The following TSPEAR variants were observed in gnomAD, a reference collection of about 807,000 sequenced individuals.
TSPEAR encodes thrombospondin-type laminin G domain and EAR repeat-containing protein.
TSPEAR carries 69 observed loss-of-function variants against 71.6 expected under a neutral mutation model. The observed-to-expected ratio is 0.96, with a 90% confidence interval of 0.79 to 1.18. The LOEUF (loss-of-function observed/expected upper bound fraction) is 1.18, where lower values mean the gene tolerates loss of function less well. Among genes scored for constraint, TSPEAR ranks in the 50% most tolerant of loss-of-function variants. TSPEAR has a pLI of 0.00. For synonymous variants in TSPEAR, 402 were observed against 387.2 expected (o/e 1.04, Z -0.45); for missense variants, 971 against 894.9 (o/e 1.09, Z -1.09).
intron 1 of TSPEAR, among the ~76,000 whole-genome samples, chr21:44,689,553 A>G (rs1555949447): frequency 6.6e-6 from 1 of 151,316 alleles, no homozygotes; most frequent in Non-Finnish European, 1.5e-5. Flanking sequence ...GGAAGATGTT[A>G]CATCTACCAA....
chr21:44,513,845 T>C (rs912197999), intron 9 of TSPEAR, among the ~76,000 whole-genome samples: 2 of 152,002 alleles, frequency 1.3e-5, no homozygotes, highest in African/African-American at 4.8e-5. Context: ...CAAGCCCTGG[T>C]TGGGGGGGCA....
At chr21:44,524,020 G>A (rs1431295994) in intron 8 of TSPEAR, among the ~76,000 whole-genome samples, 2 of 150,502 alleles carry the variant, frequency 1.3e-5, no homozygotes, top group Non-Finnish European at 2.9e-5. Context: ...TTAGTCATCA[G>A]TCAGGTAGTT....
chr21:44,639,445 G>A (rs587673917), intron 1 of TSPEAR, among the ~76,000 whole-genome samples: 43 of 152,336 alleles, frequency 2.8e-4, no homozygotes, highest in Admixed American at 1.8e-3. Flanking sequence ...CAGCACAGCC[G>A]CCTCGCTCAC....
At chr21:44,558,284 C>A (rs376521134) in intron 2 of TSPEAR, 12 of 1,614,024 alleles carry the variant, frequency 7.4e-6, no homozygotes, top group Admixed American at 6.7e-5. Flanking sequence ...TGCAGCAAGC[C>A]GGCTGGCGGC....
At chr21:44,537,906 G>C (rs1332314032) in intron 2 of TSPEAR, among the ~76,000 whole-genome samples, 1 of 152,214 alleles carries the variant, frequency 6.6e-6, no homozygotes, top group African/African-American at 2.4e-5. Context: ...GTTCCCAGCA[G>C]CCGTCAGTGC....
chr21:44,540,272 C>T, intron 2 of TSPEAR: 1 of 1,474,826 alleles, frequency 6.8e-7, no homozygotes, highest in Non-Finnish European at 9.2e-7. Flanking sequence ...TGCTTTTATA[C>T]CCCTTCTGGC....
intron 2 of TSPEAR, among the ~76,000 whole-genome samples, chr21:44,557,119 A>G (rs1555919942): frequency 1.3e-5 from 2 of 152,180 alleles, no homozygotes; most frequent in Non-Finnish European, 1.5e-5. Flanking sequence ...GGCCGGCATA[A>G]TGTGACGCCA....
chr21:44,599,675 T>C (rs587679809), intron 1 of TSPEAR, among the ~76,000 whole-genome samples: 8 of 152,330 alleles, frequency 5.3e-5, no homozygotes, highest in African/African-American at 1.7e-4. Flanking sequence ...TCGGATACAA[T>C]TGGAAACATT....
At chr21:44,656,747 G>T (rs1369789029) in intron 1 of TSPEAR, among the ~76,000 whole-genome samples, 1 of 151,972 alleles carries the variant, frequency 6.6e-6, no homozygotes, top group Admixed American at 6.5e-5. Context: ...TTATTTTTTT[G>T]AAACTTATTT....
chr21:44,542,723 G>C (rs1555917328), intron 2 of TSPEAR, among the ~76,000 whole-genome samples: 3 of 128,532 alleles, frequency 2.3e-5, no homozygotes, highest in African/African-American at 6.0e-5. Flanking sequence ...TCTAACCTGG[G>C]CAACAGAAAG....
At chr21:44,707,305 G>GGT (rs1321538114) in intron 1 of TSPEAR, among the ~76,000 whole-genome samples, 6 of 152,154 alleles carry the variant, frequency 3.9e-5, no homozygotes, top group African/African-American at 1.4e-4. Flanking sequence ...CGCGGGGTGG[G>GGT]GGGGGGTGCG....
chr21:44,622,476 C>G (rs1476071477), intron 1 of TSPEAR, among the ~76,000 whole-genome samples: 4 of 152,198 alleles, frequency 2.6e-5, no homozygotes, highest in African/African-American at 7.2e-5. Context: ...TAGGGCCAGG[C>G]ACCTGAAATG....
At chr21:44,537,951 C>A (rs1327504799) in intron 2 of TSPEAR, among the ~76,000 whole-genome samples, 2 of 152,208 alleles carry the variant, frequency 1.3e-5, no homozygotes, top group African/African-American at 4.8e-5. Context: ...TCAGGCTGAG[C>A]CGGGGTCACG....
Position 44,681,574 on chromosome 21 carries a change from A to C in TSPEAR, c.82+29859T>G, listed in dbSNP as rs373117358. The C allele has an allele frequency of 3.3e-4, 160 of 478,306 alleles. 2 individuals carry two copies. The South Asian group carries it at 7.3e-3, about 22-fold the overall frequency. The allele number at this position is 478,306 out of a possible 1,614,324, so 29.6% of individuals were successfully genotyped here. A position where few individuals can be genotyped will look rare whatever the true frequency, so the allele number is the denominator to read the frequency against. ...TAAAAAAGAGAGACAAGAAACGCAG[A>C]GTTGCATGGGGAAAGCTGGTTTATT... On this transcript the variant is annotated intron_variant, in intron 1 of 11. Coordinates refer to ENST00000323084, the MANE Select transcript of TSPEAR (RefSeq NM_144991.3).
intron 1 of TSPEAR, among the ~76,000 whole-genome samples, chr21:44,629,660 G>A (rs1160331338): frequency 1.3e-5 from 2 of 152,320 alleles, no homozygotes; most frequent in Admixed American, 6.5e-5. Context: ...TGGGGCAGAC[G>A]CTCCCTGTCC....
rs2052276376 is a variant in TSPEAR, at chr21:44,508,990, T to C, written c.1754+209A>G. 44 of 1,522,632 alleles carry C rather than the reference T, an allele frequency of 2.9e-5. 1 individual carries two copies. Among genetic ancestry groups the C allele is most frequent in the Non-Finnish European group, 3.7e-5 (42 of 1,125,276 alleles). The allele number at this position is 1,522,632 out of a possible 1,614,324, so 94.3% of individuals were successfully genotyped here. A position where few individuals can be genotyped will look rare whatever the true frequency, so the allele number is the denominator to read the frequency against. ...CACCCGGCTCTGGGAACCAAACCTG[T>C]GTCTCAGGGCGGCACTGACTTCCCC... On this transcript the variant is annotated intron_variant, in intron 10 of 11. Transcript: ENST00000323084.
intron 1 of TSPEAR, among the ~76,000 whole-genome samples, chr21:44,700,881 C>T (rs1457258034): frequency 6.6e-6 from 1 of 152,136 alleles, no homozygotes; most frequent in Admixed American, 6.5e-5. Context: ...GGACCATGAC[C>T]CCATCTTGCA....
At chr21:44,504,261 G>A (rs1185485994) in intron 11 of TSPEAR, among the ~76,000 whole-genome samples, 1 of 137,922 alleles carries the variant, frequency 7.3e-6, no homozygotes, top group African/African-American at 2.8e-5. Flanking sequence ...GCCTCGGTGA[G>A]CCCTCAGGGG....
chr21:44,580,429 G>C, intron 1 of TSPEAR: 1 of 1,613,154 alleles, frequency 6.2e-7, no homozygotes, highest in South Asian at 1.1e-5. Context: ...CCTGGCAGCA[G>C]GGGCTGGACA....
Sources: allele counts gnomAD v4.1 joint callset (sites outside exome capture counted in the v4.1 genomes callset), GRCh38; gene constraint gnomAD v4.1.1; transcripts MANE v1.5; gene names NCBI Gene and HGNC (gene_info 2026-07-23, HGNC 2026-07-21).